The following UBE2E2 variants were observed in gnomAD, a reference collection of about 807,000 sequenced individuals.
UBE2E2 encodes ubiquitin conjugating enzyme E2 E2, also known as ubiquitin-conjugating enzyme E2 E2.
Under a neutral mutation model 24.7 loss-of-function variants are expected in UBE2E2, and 6 were observed. The observed-to-expected ratio is 0.24, with a 90% CI of 0.13 to 0.48. The LOEUF (loss-of-function observed/expected upper bound fraction) is 0.48. UBE2E2 is among the 20% of genes least tolerant of loss of function. UBE2E2 has a pLI of 0.99. For synonymous variants in UBE2E2, 104 were observed against 83.6 expected, an observed-to-expected ratio of 1.24 and a Z score of -1.33; for missense variants, 169 against 245.0, an observed-to-expected ratio of 0.69 and a Z score of 2.07.
At chr3:23,217,133 T>G in intron 2 of UBE2E2, 129 bp from the exon 3 acceptor site, 2 of 868,948 alleles carry the variant, frequency 2.3e-6, no homozygotes, top group Admixed American at 5.3e-5. Context: ...GATGTGATTC[T>G]TTATACAGTA....
chr3:23,370,119 T>C (rs1453354518), intron 3 of UBE2E2, among the ~76,000 whole-genome samples: 1 of 152,214 alleles, frequency 6.6e-6, no homozygotes, highest in Non-Finnish European at 1.5e-5. Flanking sequence ...CCCATCCTTT[T>C]ACCATTGTTG....
At chr3:23,391,606 C>A (rs778485) in intron 3 of UBE2E2, among the ~76,000 whole-genome samples, 84,577 of 151,942 alleles carry the variant, frequency 0.56, 23,831 homozygotes, top group East Asian at 0.66. Context: ...AAATAAATTA[C>A]ATTCAGGTAT....
At chr3:23,505,090 GT>G (rs1302162342) in intron 4 of UBE2E2, among the ~76,000 whole-genome samples, 26 of 107,630 alleles carry the variant, frequency 2.4e-4, no homozygotes, top group Admixed American at 7.1e-4. Context: ...TTTTTTTTTT[GT>G]TTTTTTTTTT....
At chr3:23,379,333 C>T (rs987659527) in intron 3 of UBE2E2, among the ~76,000 whole-genome samples, 12 of 150,618 alleles carry the variant, frequency 8.0e-5, no homozygotes, top group African/African-American at 9.8e-5. Flanking sequence ...CATGCTGGTG[C>T]GCTGCACCCA....
At chr3:23,472,214 C>G (rs1433359552) in intron 3 of UBE2E2, among the ~76,000 whole-genome samples, 3 of 152,286 alleles carry the variant, frequency 2.0e-5, no homozygotes, top group Admixed American at 2.0e-4. Flanking sequence ...ACATGAGCCA[C>G]TTACTTTCTG....
intron 3 of UBE2E2, among the ~76,000 whole-genome samples, chr3:23,419,389 T>C (rs1408031909): frequency 6.6e-6 from 1 of 152,218 alleles, no homozygotes; most frequent in Non-Finnish European, 1.5e-5. Context: ...GTGTACTCTT[T>C]GGTATTGTTC....
chr3:23,357,255 A>G (rs1290140647), intron 3 of UBE2E2, among the ~76,000 whole-genome samples: 1 of 152,142 alleles, frequency 6.6e-6, no homozygotes, highest in East Asian at 1.9e-4. Context: ...GTGATTATTG[A>G]TTTCTGAGAA....
intron 3 of UBE2E2, among the ~76,000 whole-genome samples, chr3:23,450,638 A>G (rs1698544259): frequency 6.6e-6 from 1 of 152,182 alleles, no homozygotes; most frequent in Non-Finnish European, 1.5e-5. Context: ...TTACCTTATG[A>G]TATTAAGAAA....
At chr3:23,538,340 G>C (rs1695313685) in intron 5 of UBE2E2, among the ~76,000 whole-genome samples, 1 of 152,090 alleles carries the variant, frequency 6.6e-6, no homozygotes, top group Non-Finnish European at 1.5e-5. Flanking sequence ...TCCAAATATG[G>C]ATGTGGAGAG....
At chr3:23,364,924 T>A (rs759930958) in intron 3 of UBE2E2, among the ~76,000 whole-genome samples, 3 of 152,166 alleles carry the variant, frequency 2.0e-5, no homozygotes, top group Non-Finnish European at 2.9e-5. Context: ...TAATCCACTG[T>A]GATCAAGTAA....
intron 3 of UBE2E2, among the ~76,000 whole-genome samples, chr3:23,314,432 AG>A (rs34954186): frequency 0.4 from 61,553 of 151,992 alleles, 13,122 homozygotes; most frequent in Admixed American, 0.53. Flanking sequence ...GGCCCGCCAT[AG>A]TTATTATTTT....
At chr3:23,380,688 T>G (rs1232176908) in intron 3 of UBE2E2, among the ~76,000 whole-genome samples, 1 of 152,228 alleles carries the variant, frequency 6.6e-6, no homozygotes, top group Non-Finnish European at 1.5e-5. Context: ...TCTGTTGGAA[T>G]GCTTATGCAC....
chr3:23,361,647 A>G (rs530845011), intron 3 of UBE2E2, among the ~76,000 whole-genome samples: 2 of 152,278 alleles, frequency 1.3e-5, no homozygotes, highest in South Asian at 2.1e-4. Context: ...AAGGCATAAG[A>G]GTGGTATGGA....
chr3:23,544,840 A>T (rs1235483113), intron 5 of UBE2E2, among the ~76,000 whole-genome samples: 2 of 152,184 alleles, frequency 1.3e-5, no homozygotes, highest in Admixed American at 6.5e-5. Flanking sequence ...GTATTTATTG[A>T]TCATTTGTGG....
In UBE2E2 at chr3:23,407,177, G is replaced by C. The variant is rs1436494961; in HGVS notation, c.228-92431G>C. On this transcript the variant is annotated intron_variant, in intron 3 of 5. Transcript: ENST00000396703. This position sits in a 1 kb window ranked among gnomAD's most constrained non-coding sequence, Gnocchi z 4.0. ...TTTCTCTTGAGAACCCTGACTTTCA[G>C]AATGGCCTGGAAAAAAAAAAGGTCT... is the stretch of plus-strand genomic sequence containing the variant. Among the ~76,000 whole-genome samples, 1 of 151,726 alleles carries C rather than the reference G, an allele frequency of 6.6e-6. No homozygotes were observed. Among genetic ancestry groups the C allele is most frequent in the African/African-American group, 2.4e-5 (1 of 41,292 alleles).
At chr3:23,346,083 C>T (rs538711824) in intron 3 of UBE2E2, among the ~76,000 whole-genome samples, 1 of 152,124 alleles carries the variant, frequency 6.6e-6, no homozygotes, top group Non-Finnish European at 1.5e-5. Context: ...TATTTTTAAG[C>T]CCCCCTACTT....
chr3:23,367,325 T>C (rs1191855143), intron 3 of UBE2E2, among the ~76,000 whole-genome samples: 7 of 152,110 alleles, frequency 4.6e-5, no homozygotes, highest in Admixed American at 1.3e-4. Flanking sequence ...TGGCAGCATC[T>C]AGGTAGCTTC....
At chr3:23,452,590 A>G (rs950796217) in intron 3 of UBE2E2, among the ~76,000 whole-genome samples, 7 of 152,230 alleles carry the variant, frequency 4.6e-5, no homozygotes, top group African/African-American at 1.7e-4. Flanking sequence ...ATAACACTGT[A>G]ACTTGATCCT....
At chr3:23,385,677 G>T (rs1559368761) in intron 3 of UBE2E2, among the ~76,000 whole-genome samples, 3 of 152,168 alleles carry the variant, frequency 2.0e-5, no homozygotes, top group Non-Finnish European at 4.4e-5. Flanking sequence ...CTTCTTGAGG[G>T]CAGAGTCCTC....
Sources: gnomAD v4.1 joint callset for allele counts (sites outside exome capture counted in the v4.1 genomes callset) on GRCh38, gnomAD v4.1.1 for gene constraint, Gnocchi (gnomAD v3.1) non-coding constraint, MANE v1.5 for transcripts, NCBI Gene and HGNC (gene_info 2026-07-23, HGNC 2026-07-21) for gene names.